GAD1: variants seen among roughly 807,000 people sequenced by gnomAD.
GAD1 encodes 67 kDa glutamic acid decarboxylase.
A neutral mutation model predicts 75.2 loss-of-function variants in GAD1; 35 were observed. That is an observed-to-expected ratio of 0.47 (90% CI 0.36 to 0.62). The LOEUF is 0.62. Among genes scored for constraint, GAD1 ranks in the 20% least tolerant of loss-of-function variants. The pLI is 0.00. For synonymous variants in GAD1, 257 were observed against 271.9 expected, an observed-to-expected ratio of 0.95 and a Z score of 0.54; for missense variants, 490 against 758.5, an observed-to-expected ratio of 0.65 and a Z score of 4.16.
At chr2:170,852,846 A>G in intron 13 of GAD1, 54 bp downstream of exon 13, 1 of 1,492,932 alleles carries the variant, frequency 6.7e-7, no homozygotes, top group South Asian at 1.1e-5. Context: ...TAGAAAGCAC[A>G]AAAAGACACA....
intron 14 of GAD1, among the ~76,000 whole-genome samples, chr2:170,854,514 C>T (rs1702810556): frequency 6.6e-6 from 1 of 151,536 alleles, no homozygotes; most frequent in African/African-American, 2.4e-5. Context: ...CATTCTCCTG[C>T]CTCAGCCTCC....
intron 2 of GAD1, among the ~76,000 whole-genome samples, chr2:170,821,187 G>A (rs917581633): frequency 1.3e-5 from 2 of 152,298 alleles, no homozygotes; most frequent in South Asian, 4.1e-4. Flanking sequence ...AGGGGATTTC[G>A]TGCTGGGCTC....
At chr2:170,856,922 T>C (rs1702865273) in intron 14 of GAD1, 96 bp from the exon 15 acceptor site, 1 of 970,794 alleles carries the variant, frequency 1.0e-6, no homozygotes, top group Admixed American at 1.7e-5. Context: ...AAAATACTTT[T>C]TTTGTTTATT....
chr2:170,833,690 A>G (rs1204639938), intron 5 of GAD1, among the ~76,000 whole-genome samples: 1 of 152,254 alleles, frequency 6.6e-6, no homozygotes, highest in Non-Finnish European at 1.5e-5. Flanking sequence ...TATTATCTAC[A>G]AAACCAAAGC....
chr2:170,852,688 C>A, intron 12 of GAD1, 26 bp from the exon 13 acceptor site: 1 of 1,605,480 alleles, frequency 6.2e-7, no homozygotes, highest in Non-Finnish European at 8.5e-7. Flanking sequence ...CCTGCACCTT[C>A]TCGAAGTCTC....
intron 6 of GAD1, among the ~76,000 whole-genome samples, chr2:170,839,392 G>A (rs867794934): frequency 2.6e-5 from 4 of 152,084 alleles, no homozygotes; most frequent in Middle Eastern, 3.4e-3. Context: ...AGGTGGATGG[G>A]TCACCTAAAA....
intron 10 of GAD1, among the ~76,000 whole-genome samples, chr2:170,847,004 A>G (rs1702647615): frequency 6.6e-6 from 1 of 152,248 alleles, no homozygotes; most frequent in Admixed American, 6.5e-5. Flanking sequence ...AACCTGTCTC[A>G]GAAAAAAAGA....
At chr2:170,821,686 T>C (rs981677519) in intron 2 of GAD1, 33 of 216,642 alleles carry the variant, frequency 1.5e-4, no homozygotes, top group African/African-American at 7.4e-4. Context: ...TCTGGGCTGC[T>C]GTGGTCGCCC....
chr2:170,824,889 G>A (rs1254651393), intron 3 of GAD1, among the ~76,000 whole-genome samples: 1 of 151,944 alleles, frequency 6.6e-6, no homozygotes, highest in Non-Finnish European at 1.5e-5. Flanking sequence ...ATCTCTTGCT[G>A]CCAACTACAG....
rs760163516 is a variant in GAD1 at position 170,853,867 on chromosome 2, T to C, written c.1264-6T>C. 1.9e-6 allele frequency: 3 copies of C among 1,614,018 alleles called. No homozygotes were observed. The highest frequency in any genetic ancestry group is 1.7e-5 in the Admixed American group (1 of 60,006). On this transcript the variant is annotated splice_polypyrimidine_tract_variant and splice_region_variant and intron_variant, in intron 13 of 16. Transcript: ENST00000358196. This position sits in a 1 kb window ranked among gnomAD's most constrained non-coding sequence, Gnocchi z 4.1. The stretch of plus-strand genomic sequence containing the variant: ...GCAGATGCACCCATCTTAATTTCCA[T>C]GATAGGGTATACTCCAAGGATGCAA...
intron 3 of GAD1, chr2:170,829,081 C>T: frequency 3.0e-6 from 1 of 329,450 alleles, no homozygotes; most frequent in Non-Finnish European, 5.9e-6. Flanking sequence ...CTCCCCTCCT[C>T]CTTCTGCTTA....
At chr2:170,854,167 G>T in intron 14 of GAD1, 145 bp downstream of exon 14, 1 of 864,698 alleles carries the variant, frequency 1.2e-6, no homozygotes. Context: ...TTTTCTTTGT[G>T]AATGAAATTA....
intron 5 of GAD1, 80 bp from the exon 6 acceptor site, chr2:170,836,713 C>T: frequency 1.1e-6 from 1 of 922,424 alleles, no homozygotes; most frequent in South Asian, 1.3e-5. Context: ...ATCAGTGTGA[C>T]CCAGTGGGGC....
chr2:170,844,133 G>A lies in GAD1; in HGVS notation c.727G>A (p.Asp243Asn). Reference protein sequence around the residue: ...MREIVGWSSKDGDGIFSPGGA... With the variant: ...MREIVGWSSKNGDGIFSPGGA... ...AGAGATAGTTGGATGGTCAAGTAAA[G>A]ATGGTGATGGGATATTTTCTCCTGG... The change falls in exon 7 of 17, where the codon GAT becomes AAT. Residue 243 changes from aspartate to asparagine, a missense_variant. Asp to Asn is a conservative substitution (Grantham distance 23). Coordinates refer to ENST00000358196, the MANE Select transcript of GAD1 (RefSeq NM_000817.3). 1 of 1,596,940 alleles carries A rather than the reference G, an allele frequency of 6.3e-7. No individual in the cohort carries two copies. The highest frequency in any genetic ancestry group is 8.6e-7 in the Non-Finnish European group (1 of 1,164,430).
Position 170,822,655 on chromosome 2 carries a change from C to G in GAD1, c.145+506C>G, listed in dbSNP as rs545860055. Among the ~76,000 whole-genome samples the G allele has an allele frequency of 3.3e-5, 5 of 152,398 alleles. No individual in the cohort carries two copies. The East Asian group carries it at 7.7e-4, about 24-fold the overall frequency. On this transcript the variant is annotated intron_variant, in intron 3 of 16. Coordinates refer to ENST00000358196, the MANE Select transcript of GAD1 (RefSeq NM_000817.3). ...CCTACCCCTCACTCGCACCTCCACC[C>G]GCGCAGTCGGGTCGCATTGAAAGTG...
Position 170,859,786 on chromosome 2 carries a change from C to T in GAD1, c.1689C>T (p.Ala563=). 6.2e-7 allele frequency: 1 copy of T among 1,614,156 alleles called. No individual in the cohort carries two copies. Among genetic ancestry groups the T allele is most frequent in the Non-Finnish European group, 8.5e-7 (1 of 1,180,008 alleles). The change falls in exon 17 of 17, where the codon GCC becomes GCT. Residue 563 remains alanine (A), a synonymous_variant. Coordinates refer to ENST00000358196, the MANE Select transcript of GAD1 (RefSeq NM_000817.3). ...GCTACCAGCCCCAAGGGGACAAGGC[C>T]AACTTCTTCCGGATGGTCATCTCCA... ...MVGYQPQGDK[A]NFFRMVISNP...
intron 2 of GAD1, among the ~76,000 whole-genome samples, chr2:170,819,015 G>A (rs1701793314): frequency 6.6e-6 from 1 of 152,170 alleles, no homozygotes. Context: ...GCAGGGGGCG[G>A]AATGAAGAGC....
At chr2:170,835,515 C>A (rs150069631) in intron 5 of GAD1, among the ~76,000 whole-genome samples, 1,954 of 152,250 alleles carry the variant, frequency 0.013, 30 homozygotes, top group Non-Finnish European at 0.015. Flanking sequence ...TTTGGGGGCA[C>A]AAGGTTGTAA....
At chr2:170,821,918 T>A in intron 2 of GAD1, 169 bp from the exon 3 acceptor site, 1 of 668,532 alleles carries the variant, frequency 1.5e-6, no homozygotes, top group Non-Finnish European at 2.7e-6. Context: ...GCTTAGAGTA[T>A]ATGCCTGTCG....
Sources: gnomAD v4.1 joint callset for allele counts (sites outside exome capture counted in the v4.1 genomes callset) on GRCh38, gnomAD v4.1.1 for gene constraint, Gnocchi (gnomAD v3.1) non-coding constraint, MANE v1.5 for transcripts, NCBI Gene and HGNC (gene_info 2026-07-23, HGNC 2026-07-21) for gene names.